The following ASCC3 variants were observed in gnomAD, a reference collection of about 807,000 sequenced individuals.
ASCC3 encodes ASC-1 complex subunit P200.
A neutral mutation model predicts 256.3 loss-of-function variants in ASCC3; 158 were observed. That is an observed-to-expected ratio of 0.62 (90% CI 0.54 to 0.70). The LOEUF (loss-of-function observed/expected upper bound fraction) is 0.70. Ranked by LOEUF, ASCC3 falls within the 30% of genes least tolerant of loss-of-function variation. The probability of loss-of-function intolerance (pLI) is 0.00; values close to 1 mark genes in which losing one functional copy is unlikely to be tolerated. For missense variants in ASCC3, 2,259 were observed against 2,626.0 expected (o/e 0.86, Z 3.05); for synonymous variants, 948 against 883.4 (o/e 1.07, Z -1.30).
At chr6:100,809,503 T>G (rs1582895472) in intron 4 of ASCC3, among the ~76,000 whole-genome samples, 1 of 152,064 alleles carries the variant, frequency 6.6e-6, no homozygotes, top group Non-Finnish European at 1.5e-5. Context: ...AGCATCACTG[T>G]TGTATATAGT....
chr6:100,589,113 A>G (rs1416066487), intron 36 of ASCC3, among the ~76,000 whole-genome samples: 2 of 152,112 alleles, frequency 1.3e-5, no homozygotes, highest in African/African-American at 4.8e-5. Context: ...GGAAAAATGA[A>G]CACAGTATAG....
chr6:100,600,431 T>A (rs551809969), intron 34 of ASCC3, among the ~76,000 whole-genome samples: 1 of 152,242 alleles, frequency 6.6e-6, no homozygotes, highest in African/African-American at 2.4e-5. Context: ...TTTACTGTGG[T>A]AAATGTGCAG....
chr6:100,585,935 C>G (rs1180122363), intron 36 of ASCC3, among the ~76,000 whole-genome samples: 1 of 152,128 alleles, frequency 6.6e-6, no homozygotes, highest in Non-Finnish European at 1.5e-5. Flanking sequence ...GATCTTTCTT[C>G]TGGAAGTTTT....
intron 1 of ASCC3, among the ~76,000 whole-genome samples, chr6:100,870,358 C>G (rs920822390): frequency 2.0e-5 from 2 of 102,302 alleles, no homozygotes; most frequent in Admixed American, 1.1e-4. Flanking sequence ...AGTGAGAGTC[C>G]GTCTCAAAAA....
At chr6:100,684,811 T>A (rs1777483028) in intron 13 of ASCC3, among the ~76,000 whole-genome samples, 1 of 144,624 alleles carries the variant, frequency 6.9e-6, no homozygotes, top group South Asian at 2.3e-4. Flanking sequence ...TCTTTTTTTT[T>A]TTTTTTTTTT....
intron 36 of ASCC3, among the ~76,000 whole-genome samples, chr6:100,560,227 T>C (rs1769859872): frequency 6.6e-6 from 1 of 152,200 alleles, no homozygotes; most frequent in South Asian, 2.1e-4. Flanking sequence ...CACTTCCTAA[T>C]ATTTAGAGAT....
At chr6:100,721,729 A>G (rs1779342395) in intron 11 of ASCC3, among the ~76,000 whole-genome samples, 1 of 151,522 alleles carries the variant, frequency 6.6e-6, no homozygotes, top group Non-Finnish European at 1.5e-5. Context: ...AGTCCCAAAT[A>G]TTTCTACAAT....
At chr6:100,671,247 A>T (rs1776729076) in intron 14 of ASCC3, among the ~76,000 whole-genome samples, 1 of 152,024 alleles carries the variant, frequency 6.6e-6, no homozygotes, top group Non-Finnish European at 1.5e-5. Context: ...ATGGAGCTAA[A>T]CTTGTTTACT....
intron 36 of ASCC3, among the ~76,000 whole-genome samples, chr6:100,576,973 T>C (rs1488713404): frequency 2.0e-5 from 3 of 150,290 alleles, no homozygotes; most frequent in Non-Finnish European, 4.4e-5. Context: ...TTTCATATAA[T>C]GGAATAATAA....
intron 3 of ASCC3, among the ~76,000 whole-genome samples, chr6:100,850,829 TA>T (rs1368804185): frequency 6.6e-6 from 1 of 152,186 alleles, no homozygotes; most frequent in Admixed American, 6.5e-5. Flanking sequence ...ATTCATTCTA[TA>T]CATTTTACTT....
intron 25 of ASCC3, among the ~76,000 whole-genome samples, chr6:100,636,169 A>G (rs562159165): frequency 5.3e-5 from 8 of 152,308 alleles, no homozygotes; most frequent in South Asian, 4.1e-4. Context: ...GCAACCCCAC[A>G]TCGAGCAATT....
chr6:100,864,385 G>A (rs1319834914), intron 2 of ASCC3, among the ~76,000 whole-genome samples, 171 bp from the exon 3 acceptor site: 1 of 152,102 alleles, frequency 6.6e-6, no homozygotes, highest in Non-Finnish European at 1.5e-5. Flanking sequence ...TTACTTAAAT[G>A]GGTGTTCATA....
chr6:100,604,905 G>T (rs1446696001), intron 33 of ASCC3, among the ~76,000 whole-genome samples: 1 of 152,046 alleles, frequency 6.6e-6, no homozygotes, highest in Non-Finnish European at 1.5e-5. Context: ...GGTAGAAAGT[G>T]ATAAGTATTT....
chr6:100,842,229 A>T (rs1446618287), intron 4 of ASCC3, among the ~76,000 whole-genome samples: 2 of 152,226 alleles, frequency 1.3e-5, no homozygotes, highest in East Asian at 3.8e-4. Flanking sequence ...TGAATCTTTC[A>T]GTACAGCAAC....
chr6:100,828,696 C>G (rs1041330995), intron 4 of ASCC3, among the ~76,000 whole-genome samples: 2 of 152,014 alleles, frequency 1.3e-5, no homozygotes, highest in African/African-American at 4.8e-5. Flanking sequence ...CCAGTGGGTT[C>G]GTGGTCTGGC....
chr6:100,775,057 T>G (rs1017897220), intron 8 of ASCC3, among the ~76,000 whole-genome samples: 1 of 152,102 alleles, frequency 6.6e-6, no homozygotes, highest in African/African-American at 2.4e-5. Context: ...CTGAAGGAGC[T>G]GACCTTTTCT....
At chr6:100,762,674 A>C (rs2115120104) in intron 10 of ASCC3, among the ~76,000 whole-genome samples, 1 of 152,294 alleles carries the variant, frequency 6.6e-6, no homozygotes, top group East Asian at 1.9e-4. Flanking sequence ...TTATATTCAA[A>C]CCTCAATAAA....
chr6:100,755,847 A>G (rs1781151647), intron 10 of ASCC3, among the ~76,000 whole-genome samples: 1 of 152,166 alleles, frequency 6.6e-6, no homozygotes, highest in Non-Finnish European at 1.5e-5. Context: ...GATACTTTAC[A>G]TGGTATACTT....
chr6:100,804,584 C>T (rs1326888701), intron 5 of ASCC3, among the ~76,000 whole-genome samples: 1 of 151,964 alleles, frequency 6.6e-6, no homozygotes, highest in Non-Finnish European at 1.5e-5. Context: ...CAAATAACCA[C>T]ATTAAAAAAT....
Sources: gnomAD v4.1 joint callset for allele counts (sites outside exome capture counted in the v4.1 genomes callset) on GRCh38, gnomAD v4.1.1 for gene constraint, MANE v1.5 for transcripts, NCBI Gene and HGNC (gene_info 2026-07-23, HGNC 2026-07-21) for gene names.